Variants in REL observed in about 807,000 individuals in gnomAD.
The protein encoded by REL is proto-oncogene c-Rel.
REL carries 15 observed loss-of-function variants against 45.9 expected under a neutral mutation model. The observed-to-expected ratio is 0.33, with a 90% CI of 0.22 to 0.50. The LOEUF is 0.50. REL is among the 20% of genes least tolerant of loss of function. REL has a pLI of 0.98. For missense variants in REL, 601 were observed against 715.2 expected (o/e 0.84, Z 1.82); for synonymous variants, 239 against 242.1 (o/e 0.99, Z 0.12).
chr2:60,922,643 A>AC lies in REL; in HGVS notation c.*109dup. 1.5e-6 allele frequency: 2 copies of AC among 1,374,048 alleles called. No homozygotes were observed. The highest frequency in any genetic ancestry group is 1.7e-5 in the South Asian group (1 of 57,826). The allele number at this position is 1,374,048 out of a possible 1,614,324, so 85.1% of individuals were successfully genotyped here. ...ACTATATTTATACTGTATATATAAT[A>AC]CTGACTGAGAATATAATACTGTATT... On this transcript the variant is annotated 3_prime_UTR_variant, in exon 10 of 10. Transcript: ENST00000394479.
intron 9 of REL, 123 bp from the exon 10 acceptor site, chr2:60,921,639 GT>G: frequency 1.2e-6 from 1 of 820,578 alleles, no homozygotes; most frequent in Non-Finnish European, 1.9e-6. Context: ...TATTTGAAAT[GT>G]TACATTGGTT....
rs971172599 is a variant in REL, at chr2:60,881,612, C to A, written c.-229C>A. 5 of 519,750 alleles carry A rather than the reference C, an allele frequency of 9.6e-6. No individual in the cohort carries two copies. The highest frequency in any genetic ancestry group is 1.7e-5 in the Non-Finnish European group (5 of 292,960). 32.2% of individuals were successfully genotyped at this position (519,750 alleles called of 1,614,324 possible). ...CGCTCCGCCCCCTGCCCCTGGCTCCCGTACGGTGGACGGCGACGCTGGGTG... is the reference window on the plus strand; with the variant it reads ...CGCTCCGCCCCCTGCCCCTGGCTCCAGTACGGTGGACGGCGACGCTGGGTG... On this transcript the variant is annotated 5_prime_UTR_variant, in exon 1 of 10. Coordinates refer to ENST00000394479, the MANE Select transcript of REL (RefSeq NM_001291746.2).
At position 60,926,313 on chromosome 2, in the gene REL, A is replaced by G. The variant is rs1012993823; in HGVS notation, c.*3778A>G. 8.6e-6 allele frequency: 2 copies of G among 231,824 alleles called. No individual in the cohort carries two copies. Among genetic ancestry groups the G allele is most frequent in the Non-Finnish European group, 1.7e-5 (2 of 117,198 alleles). The allele number at this position is 231,824 out of a possible 1,614,324, so 14.4% of individuals were successfully genotyped here. ...GACTTCTGAAATGCCTCCAGCCTCC[A>G]TTTTCTCCCTTCCCAGTTATTCCTT... On this transcript the variant is annotated 3_prime_UTR_variant, in exon 10 of 10. Coordinates refer to ENST00000394479, the MANE Select transcript of REL (RefSeq NM_001291746.2).
At chr2:60,901,214 G>T (rs1673488567) in intron 4 of REL, 131 bp downstream of exon 4, 1 of 1,176,574 alleles carries the variant, frequency 8.5e-7, no homozygotes, top group African/African-American at 1.7e-5. Context: ...GGAGTGCAAT[G>T]GCGCGATCTC....
chr2:60,921,793 T>A lies in REL; in HGVS notation c.1022T>A (p.Val341Glu). The A allele has an allele frequency of 6.2e-7, 1 of 1,613,452 alleles. No homozygotes were observed. The highest frequency in any genetic ancestry group is 1.1e-5 in the South Asian group (1 of 91,052). Residue 341 changes from valine (V) to glutamate (E), a missense_variant, in exon 10 of 10, where the codon GTG (valine) becomes GAG (glutamate). By Grantham distance (121) the Val-to-Glu change is moderately radical. Transcript: ENST00000394479. ...EPNLFSHDAV[V>E]REMPTGVSSQ... ...AACTTGTTTTCTCATGATGCAGTTGTGAGAGAAATGCCTACAGGGGTTTCA... is the reference window on the plus strand; with the variant it reads ...AACTTGTTTTCTCATGATGCAGTTGAGAGAGAAATGCCTACAGGGGTTTCA...
rs778646197 is a variant in REL at position 60,922,532 on chromosome 2, A to G, written c.1761A>G (p.Val587=). ...SDSFPYEFFQ[V] ...CCTTTCCATATGAATTTTTTCAAGT[A>G]TAACTTGCAAGATTTAAATCCTTTT... Residue 587 remains valine (V), a synonymous_variant, in exon 10 of 10, where the codon GTA becomes GTG. Transcript: ENST00000394479. 3 of 1,595,422 alleles carry G rather than the reference A, an allele frequency of 1.9e-6. No homozygotes were observed. The highest frequency in any genetic ancestry group is 1.7e-5 in the Admixed American group (1 of 57,332).
intron 7 of REL, among the ~76,000 whole-genome samples, chr2:60,919,598 T>C (rs1277708825): frequency 6.6e-6 from 1 of 151,936 alleles, no homozygotes; most frequent in Non-Finnish European, 1.5e-5. Flanking sequence ...ACTCATTTTG[T>C]ATTTTTAGTA....
At chr2:60,901,200 G>A in intron 4 of REL, 117 bp downstream of exon 4, 1 of 1,267,802 alleles carries the variant, frequency 7.9e-7, no homozygotes, top group Non-Finnish European at 1.0e-6. Flanking sequence ...CTTGTCGCCA[G>A]GCTGGAGTGC....
intron 1 of REL, among the ~76,000 whole-genome samples, chr2:60,886,234 AGGACATGTAT>A (rs1673069194): frequency 1.3e-5 from 2 of 152,226 alleles, no homozygotes; most frequent in South Asian, 4.1e-4. Flanking sequence ...AAGTGGGGTA[AGGACATGTAT>A]GTTTTGAAAA....
rs1046557379 is a variant in REL, at chr2:60,931,023, A to G, written c.*8488A>G. On this transcript the variant is annotated 3_prime_UTR_variant, in exon 10 of 10. Coordinates refer to ENST00000394479, the MANE Select transcript of REL (RefSeq NM_001291746.2). ...TCATCTTGCCCATTTTTCCTCTTAA[A>G]CTTTATTATCTAATCAAACATAGTT... 6.6e-6 allele frequency: 1 copy of G among 152,242 alleles called. No homozygotes were observed. Among genetic ancestry groups the G allele is most frequent in the Non-Finnish European group, 1.5e-5 (1 of 68,032 alleles). 9.4% of individuals were successfully genotyped at this position (152,242 alleles called of 1,614,324 possible).
intron 4 of REL, among the ~76,000 whole-genome samples, chr2:60,906,600 C>T (rs1393758533): frequency 1.3e-5 from 2 of 152,118 alleles, no homozygotes; most frequent in Non-Finnish European, 2.9e-5. Context: ...CCTTCCTCTA[C>T]CACTGAGTGC....
chr2:60,920,039 A>G lies in REL; in HGVS notation c.854-2A>G. On this transcript the variant is annotated splice_acceptor_variant, in intron 7 of 9. Transcript: ENST00000394479. LOFTEE classifies it high-confidence loss of function. ...CTGCTTTCCTGGTTTCTTTCTAATC[A>G]GATACTTACGGCAATAAAGCAAAGA... 1 of 1,600,582 alleles carries G rather than the reference A, an allele frequency of 6.2e-7. No individual in the cohort carries two copies. The highest frequency in any genetic ancestry group is 8.5e-7 in the Non-Finnish European group (1 of 1,171,680).
chr2:60,909,038 CT>C (rs1179216007), intron 4 of REL, among the ~76,000 whole-genome samples: 3 of 152,128 alleles, frequency 2.0e-5, no homozygotes, highest in African/African-American at 7.2e-5. Context: ...TTTTCGAAGC[CT>C]TTTTTTCATT....
chr2:60,917,530 G>GGT (rs1674008131), intron 5 of REL, among the ~76,000 whole-genome samples: 2 of 128,752 alleles, frequency 1.6e-5, no homozygotes, highest in South Asian at 4.8e-4. Context: ...TTTTTTATTG[G>GGT]TTTTTTTTTT....
intron 4 of REL, among the ~76,000 whole-genome samples, chr2:60,913,800 T>C (rs1673885534): frequency 6.6e-6 from 1 of 152,220 alleles, no homozygotes. Context: ...GTTTCATATT[T>C]TGTCCACTTT....
In REL at chr2:60,928,720, C is replaced by A. The variant is rs1674322405; in HGVS notation, c.*6185C>A. On this transcript the variant is annotated 3_prime_UTR_variant, in exon 10 of 10. Coordinates refer to ENST00000394479, the MANE Select transcript of REL (RefSeq NM_001291746.2). ...ACGTTAGACCTAAAACCATAAAAAC[C>A]CTAGAAGAAAACCTAGGCATTACCA... The A allele has an allele frequency of 5.2e-5, 7 of 133,698 alleles. No homozygotes were observed. In the South Asian group the frequency reaches 1.5e-3, roughly 29 times the overall value. The allele number at this position is 133,698 out of a possible 1,614,324, so 8.3% of individuals were successfully genotyped here. A position where few individuals can be genotyped will look rare whatever the true frequency, so the allele number is the denominator to read the frequency against.
chr2:60,924,037 CA>C lies in REL; in HGVS notation c.*1504del, dbSNP rs1005363978. 1 of 232,450 alleles carries C rather than the reference CA, an allele frequency of 4.3e-6. No homozygotes were observed. Among genetic ancestry groups the C allele is most frequent in the African/African-American group, 2.2e-5 (1 of 45,292 alleles). 14.4% of individuals were successfully genotyped at this position (232,450 alleles called of 1,614,324 possible). A position where few individuals can be genotyped will look rare whatever the true frequency, so the allele number is the denominator to read the frequency against. On this transcript the variant is annotated 3_prime_UTR_variant, in exon 10 of 10. Transcript: ENST00000394479. ...TTGGCCTCAGTGCTCCTCAAAGCAT[CA>C]AGTATGCACTTGCCTTGGACAGTCT...
At chr2:60,906,435 C>G (rs2103957926) in intron 4 of REL, among the ~76,000 whole-genome samples, 2 of 152,288 alleles carry the variant, frequency 1.3e-5, no homozygotes, top group Middle Eastern at 6.8e-3. Flanking sequence ...TGAGATGATT[C>G]TGATGCAAGT....
At chr2:60,898,297 A>G (rs535853107) in intron 3 of REL, among the ~76,000 whole-genome samples, 2 of 152,324 alleles carry the variant, frequency 1.3e-5, no homozygotes, top group Admixed American at 6.5e-5. Flanking sequence ...CTCTTGGAAT[A>G]AAGACAGCAT....
Sources: gnomAD v4.1 joint callset for allele counts (sites outside exome capture counted in the v4.1 genomes callset) on GRCh38, gnomAD v4.1.1 for gene constraint, MANE v1.5 for transcripts, NCBI Gene and HGNC (gene_info 2026-07-23, HGNC 2026-07-21) for gene names.